CLK2: variants seen among roughly 807,000 people sequenced by gnomAD.
CLK2 encodes CDC like kinase 2.
Under a neutral mutation model 73.5 loss-of-function variants are expected in CLK2, and 12 were observed. That is an observed-to-expected ratio of 0.16 (90% CI 0.10 to 0.26). The LOEUF is 0.26. Among genes scored for constraint, CLK2 ranks in the 10% least tolerant of loss-of-function variants. The probability of loss-of-function intolerance (pLI) is 1.00; values close to 1 mark genes in which losing one functional copy is unlikely to be tolerated. For missense variants in CLK2, 509 were observed against 688.4 expected, an observed-to-expected ratio of 0.74 and a Z score of 2.92; for synonymous variants, 232 against 237.9, an observed-to-expected ratio of 0.98 and a Z score of 0.23.
chr1:155,264,687 T>G lies in CLK2; in HGVS notation c.1021A>C (p.Ile341Leu). 6.2e-7 allele frequency: 1 copy of G among 1,614,194 alleles called. No homozygotes were observed. Among genetic ancestry groups the G allele is most frequent in the Non-Finnish European group, 8.5e-7 (1 of 1,180,040 alleles). The change falls in exon 9 of 13, where the codon ATT (isoleucine) becomes CTT (leucine). Residue 341 changes from isoleucine to leucine, a missense_variant. Physicochemically the swap from Ile to Leu is conservative, Grantham distance 5 (BLOSUM62 2). Transcript: ENST00000368361. ...GCTCGGTAATGGCGAGTGGAGACAATGGTGCTATGGTGCTCATGGTCAAAG... is the reference window on the plus strand; with the variant it reads ...GCTCGGTAATGGCGAGTGGAGACAAGGGTGCTATGGTGCTCATGGTCAAAG... ...ATFDHEHHST[I>L]VSTRHYRAPE...
chr1:155,267,848 C>T (rs34395206), intron 6 of CLK2, among the ~76,000 whole-genome samples, 162 bp downstream of exon 6: 12,020 of 152,194 alleles, frequency 0.079, 662 homozygotes, highest in Non-Finnish European at 0.12. Context: ...ATGGGCCCCC[C>T]CCCTTTCCTA....
intron 3 of CLK2, 71 bp downstream of exon 3, chr1:155,269,417 C>G (rs2148142708): frequency 7.5e-7 from 1 of 1,338,084 alleles, no homozygotes. Flanking sequence ...AACAAGGATA[C>G]TGCTCACTTA....
Position 155,264,742 on chromosome 1 carries a change from A to C in CLK2, c.966T>G (p.Ala322=). The change falls in exon 9 of 13, where the codon GCT becomes GCG. Residue 322 remains alanine, a synonymous_variant. Coordinates refer to ENST00000368361, the MANE Select transcript of CLK2 (RefSeq NM_001294338.2). ...KRDERSVKST[A]VRVVDFGSAT... ...CACTGCCAAAGTCTACCACCCGCAC[A>C]GCTGTGCTCTTCACACTGCGCTCAT... 6.2e-7 allele frequency: 1 copy of C among 1,614,262 alleles called. No individual in the cohort carries two copies. The highest frequency in any genetic ancestry group is 1.7e-5 in the Admixed American group (1 of 60,032).
chr1:155,266,242 A>G lies in CLK2; in HGVS notation c.839-288T>C, dbSNP rs753461170. On this transcript the variant is annotated intron_variant, in intron 7 of 12. Transcript: ENST00000368361. ...GTCTAGCTGGCATTATGTTAACTCA[A>G]TTCTGTGAAACTGTATTATTTTGAT... Among the ~76,000 whole-genome samples, 5 of 152,230 alleles carry G rather than the reference A, an allele frequency of 3.3e-5. No individual in the cohort carries two copies. In the East Asian group the frequency reaches 9.6e-4, roughly 29 times the overall value.
Position 155,264,794 on chromosome 1 carries a change from A to C in CLK2, c.934-20T>G, listed in dbSNP as rs768285011. On this transcript the variant is annotated intron_variant, in intron 8 of 12. Transcript: ENST00000368361. ...TCGCTTCTAGGAGCAGAGGAGAAAG[A>C]GGATGAACCTCTGCACCCAGACTGA... 8.7e-6 allele frequency: 14 copies of C among 1,612,814 alleles called. No homozygotes were observed. Among genetic ancestry groups the C allele is most frequent in the Middle Eastern group, 1.6e-4 (1 of 6,080 alleles).
chr1:155,267,685 C>T (rs185978922), intron 6 of CLK2, among the ~76,000 whole-genome samples: 1 of 152,334 alleles, frequency 6.6e-6, no homozygotes, highest in East Asian at 1.9e-4. Context: ...CATAGTTCTA[C>T]TTATAAAAGC....
intron 2 of CLK2, among the ~76,000 whole-genome samples, chr1:155,270,563 A>G (rs1673445546): frequency 1.5e-5 from 2 of 133,582 alleles, no homozygotes; most frequent in Non-Finnish European, 3.1e-5. Context: ...CTTTCTCTGC[A>G]ATGTTTTATC....
intron 3 of CLK2, chr1:155,269,259 A>G (rs1035518660): frequency 8.3e-6 from 5 of 601,428 alleles, no homozygotes; most frequent in Non-Finnish European, 1.5e-5. Context: ...TAAGCCCAAC[A>G]TGCCAGGGAG....
At position 155,263,271 on chromosome 1, in the gene CLK2, G is replaced by A. The variant is rs200444017; in HGVS notation, c.1447C>T (p.Arg483Trp). 2.1e-5 allele frequency: 34 copies of A among 1,614,118 alleles called. No individual in the cohort carries two copies. In the African/African-American group the frequency reaches 3.1e-4, roughly 15 times the overall value. The change falls in exon 13 of 13, where the codon CGG becomes TGG. Residue 483 changes from arginine to tryptophan, a missense_variant. By Grantham distance (101) the Arg-to-Trp change is moderately radical. Coordinates refer to ENST00000368361, the MANE Select transcript of CLK2 (RefSeq NM_001294338.2). ...CACAACTTGTTGGGCGGCTCAGCCC[G>A]AAGGCGGGCGAAGAAAGGATGCTGA... The part of the protein sequence containing the change: ...ALQHPFFARL[R>W]AEPPNKLWDS...
intron 12 of CLK2, 87 bp from the exon 13 acceptor site, chr1:155,263,487 C>G (rs575212862): frequency 1.9e-5 from 29 of 1,530,516 alleles, no homozygotes; most frequent in African/African-American, 1.1e-4. Flanking sequence ...TCTTGGAGAA[C>G]CAAGGCTCTG....
rs1321753113 is a variant in CLK2 at position 155,264,525 on chromosome 1, A to G, written c.1089T>C (p.Asp363=). The change falls in exon 10 of 13, where the codon GAT becomes GAC. Residue 363 remains aspartate (D), a synonymous_variant. Coordinates refer to ENST00000368361, the MANE Select transcript of CLK2 (RefSeq NM_001294338.2). ...ILELGWSQPC[D]VWSIGCIIFE... Reference sequence around the variant, plus strand: ...AGATGATGCAGCCTATACTCCACACATCACAAGGCTGTGACCAGCCCAACT... The same window carrying G: ...AGATGATGCAGCCTATACTCCACACGTCACAAGGCTGTGACCAGCCCAACT... 1 of 1,614,270 alleles carries G rather than the reference A, an allele frequency of 6.2e-7. No homozygotes were observed. The highest frequency in any genetic ancestry group is 1.6e-4 in the Middle Eastern group (1 of 6,062).
At chr1:155,266,560 G>T (rs1269980909) in intron 7 of CLK2, among the ~76,000 whole-genome samples, 169 bp downstream of exon 7, 2 of 152,242 alleles carry the variant, frequency 1.3e-5, no homozygotes, top group Non-Finnish European at 2.9e-5. Flanking sequence ...TGACGATAAA[G>T]ACATCAGTCA....
Position 155,268,217 on chromosome 1 carries a change from G to T in CLK2, c.554+76C>A. 6.4e-7 allele frequency: 1 copy of T among 1,558,892 alleles called. No homozygotes were observed. The highest frequency in any genetic ancestry group is 8.8e-7 in the Non-Finnish European group (1 of 1,130,006). ...GGGGGACTAAGAAATTCTACCTCAG[G>T]TTAATTAGCAAAAAAGCCCCATATA... On this transcript the variant is annotated intron_variant, in intron 5 of 12. Transcript: ENST00000368361. The surrounding 1 kb of genome is among the most constrained non-coding windows in gnomAD (Gnocchi z 5.6).
rs764316833 is a variant in CLK2 at position 155,269,646 on chromosome 1, C to T, written c.241G>A (p.Asp81Asn). 2.7e-5 allele frequency: 43 copies of T among 1,614,112 alleles called. No homozygotes were observed. The highest frequency in any genetic ancestry group is 1.6e-4 in the Middle Eastern group (1 of 6,084). The change falls in exon 3 of 13, where the codon GAT becomes AAT. Residue 81 changes from aspartate (D) to asparagine (N), a missense_variant. This residue lies in a region of CLK2 where 222 missense variants were observed against 221.7 expected (regional missense o/e 1.00). Coordinates refer to ENST00000368361, the MANE Select transcript of CLK2 (RefSeq NM_001294338.2). ...RRYCGSYRRNDYSRDRGDAYY... is the reference protein window; with the variant it reads ...RRYCGSYRRNNYSRDRGDAYY... ...GCATCTCCCCGATCCCGGCTATAATCGTTGCGTCTGTAGCTGCCACAGTAT... is the reference window on the plus strand; with the variant it reads ...GCATCTCCCCGATCCCGGCTATAATTGTTGCGTCTGTAGCTGCCACAGTAT...
chr1:155,265,995 C>A, intron 7 of CLK2, 41 bp from the exon 8 acceptor site: 1 of 1,395,464 alleles, frequency 7.2e-7, no homozygotes, highest in South Asian at 1.2e-5. Flanking sequence ...TGCAGGTGGC[C>A]AGAGCTAACT....
In CLK2 at chr1:155,270,813, A is replaced by G; in HGVS notation, c.165T>C (p.Ser55=). Residue 55 remains serine (S), a synonymous_variant, in exon 2 of 13, where the codon TCT becomes TCC. Coordinates refer to ENST00000368361, the MANE Select transcript of CLK2 (RefSeq NM_001294338.2). ...RRREDSYHVR[S]RSSYDDRSSD... ...ATCTCTTCCTGAGGCCTCACCTTCGAGAACGGACATGGTAGCTGTCCTCTC... is the reference window on the plus strand; with the variant it reads ...ATCTCTTCCTGAGGCCTCACCTTCGGGAACGGACATGGTAGCTGTCCTCTC... 6.2e-7 allele frequency: 1 copy of G among 1,604,146 alleles called. No homozygotes were observed. The highest frequency in any genetic ancestry group is 1.1e-5 in the South Asian group (1 of 90,938).
intron 1 of CLK2, among the ~76,000 whole-genome samples, chr1:155,271,218 C>A (rs184410785): frequency 1.3e-5 from 2 of 152,088 alleles, no homozygotes; most frequent in East Asian, 3.9e-4. Flanking sequence ...ACCCACCCCT[C>A]AGTTCAAGTG....
chr1:155,269,116 C>T (rs1557935193), intron 3 of CLK2: 1 of 576,690 alleles, frequency 1.7e-6, no homozygotes, highest in Non-Finnish European at 3.1e-6. Context: ...CACAGATCTC[C>T]CCTTGCCCCC....
intron 1 of CLK2, among the ~76,000 whole-genome samples, chr1:155,272,218 G>C (rs1024315692): frequency 6.6e-6 from 1 of 152,114 alleles, no homozygotes; most frequent in African/African-American, 2.4e-5. Context: ...GTTTCTCCAT[G>C]TTGGTCAGGC....
Sources: allele counts gnomAD v4.1 joint callset (sites outside exome capture counted in the v4.1 genomes callset), GRCh38; gene constraint gnomAD v4.1.1; regional missense constraint gnomAD v4.1.1; non-coding constraint Gnocchi (gnomAD v3.1); transcripts MANE v1.5; gene names NCBI Gene and HGNC (gene_info 2026-07-23, HGNC 2026-07-21).